AGAP1: variants seen among roughly 807,000 people sequenced by gnomAD.
The protein encoded by AGAP1 is ArfGAP with GTPase domain, ankyrin repeat and PH domain 1, also known as arf-GAP with GTPase, ANK repeat and PH domain-containing protein 1.
In AGAP1, 29 loss-of-function variants were observed where a neutral mutation model predicts 105.3. That is an observed-to-expected ratio of 0.28 (90% CI 0.21 to 0.38). The LOEUF is 0.38. Ranked by LOEUF, AGAP1 falls within the 10% of genes least tolerant of loss-of-function variation. The pLI is 1.00. For synonymous variants in AGAP1, 509 were observed against 485.9 expected (o/e 1.05, Z -0.63); for missense variants, 998 against 1,165.1 (o/e 0.86, Z 2.09).
In AGAP1 at chr2:235,622,841, A is replaced by G. The variant is rs1946529102; in HGVS notation, c.164-86338A>G. Among the ~76,000 whole-genome samples the G allele has an allele frequency of 6.6e-6, 1 of 152,072 alleles. No individual in the cohort carries two copies. On this transcript the variant is annotated intron_variant, in intron 1 of 17. Transcript: ENST00000304032. This position sits in a 1 kb window ranked among gnomAD's most constrained non-coding sequence, Gnocchi z 5.0. ...GTCGCTTCCTGCACCCACACTGGAC[A>G]GTCATTGTAGAAAGTAAGATGTGAT...
At position 235,750,258 on chromosome 2, in the gene AGAP1, T is replaced by C. The variant is rs1373467207; in HGVS notation, c.539-96T>C. On this transcript the variant is annotated intron_variant, in intron 5 of 17. Transcript: ENST00000304032. The surrounding 1 kb of genome is among the most constrained non-coding windows in gnomAD (Gnocchi z 5.3). ...ATTCATAAACTAATTACATTTCTGCTGAGTAAGGTACTGGTTTTCCGTGTT... is the reference window on the plus strand; with the variant it reads ...ATTCATAAACTAATTACATTTCTGCCGAGTAAGGTACTGGTTTTCCGTGTT... 6.5e-7 allele frequency: 1 copy of C among 1,527,962 alleles called. No individual in the cohort carries two copies. Among genetic ancestry groups the C allele is most frequent in the African/African-American group, 1.4e-5 (1 of 72,992 alleles). 94.7% of individuals were successfully genotyped at this position (1,527,962 alleles called of 1,614,324 possible). A position where few individuals can be genotyped will look rare whatever the true frequency, so the allele number is the denominator to read the frequency against.
At chr2:235,671,132 G>C (rs552340107) in intron 1 of AGAP1, 16 of 1,232,252 alleles carry the variant, frequency 1.3e-5, no homozygotes, top group Middle Eastern at 3.1e-4. Context: ...GCGGCTATGG[G>C]ACCCGCCCTC....
chr2:235,880,962 G>C (rs1031066155), intron 9 of AGAP1, among the ~76,000 whole-genome samples: 8 of 152,104 alleles, frequency 5.3e-5, no homozygotes, highest in Middle Eastern at 3.2e-3. Context: ...GGCTTCATTG[G>C]GTTGATTGGT....
rs185029416 is a variant in AGAP1 at position 235,863,436 on chromosome 2, A to T, written c.1051-19909A>T. On this transcript the variant is annotated intron_variant, in intron 9 of 17. Transcript: ENST00000304032. ...ACCTTGCGCCCTACAGAACCTTCAA[A>T]ATCTGGTGTGTAGTTCACCTATATA... 6.6e-5 allele frequency among the ~76,000 whole-genome samples: 10 copies of T among 152,364 alleles called. No homozygotes were observed. In the East Asian group the frequency reaches 1.9e-3, roughly 29 times the overall value.
Position 235,725,900 on chromosome 2 carries a change from G to A in AGAP1, c.310+8256G>A, listed in dbSNP as rs1343333239. Among the ~76,000 whole-genome samples the A allele has an allele frequency of 1.3e-5, 2 of 151,950 alleles. No homozygotes were observed. Among genetic ancestry groups the A allele is most frequent in the Non-Finnish European group, 2.9e-5 (2 of 68,016 alleles). The stretch of plus-strand genomic sequence containing the variant: ...AAGGATGCTAACATTATTATTAGAT[G>A]TTCAAAAAAATAATAAAAGGGAAGC... On this transcript the variant is annotated intron_variant, in intron 3 of 17. Coordinates refer to ENST00000304032, the MANE Select transcript of AGAP1 (RefSeq NM_001037131.3). This position sits in a 1 kb window ranked among gnomAD's most constrained non-coding sequence, Gnocchi z 5.7.
In AGAP1 at chr2:236,113,741, G is replaced by A. The variant is rs185715402; in HGVS notation, c.2115-6451G>A. On this transcript the variant is annotated intron_variant, in intron 16 of 17. Coordinates refer to ENST00000304032, the MANE Select transcript of AGAP1 (RefSeq NM_001037131.3). The surrounding 1 kb of genome is among the most constrained non-coding windows in gnomAD (Gnocchi z 4.3). ...CAGCAATGCTAGAGTGTCTGTCTCC[G>A]AGCTGGCAGACCCCGAAAAATCCAG... Among the ~76,000 whole-genome samples, 35 of 152,220 alleles carry A rather than the reference G, an allele frequency of 2.3e-4. No individual in the cohort carries two copies. Among genetic ancestry groups the A allele is most frequent in the East Asian group, 1.4e-3 (7 of 5,162 alleles).
At chr2:235,762,036 G>A (rs1954484825) in intron 6 of AGAP1, among the ~76,000 whole-genome samples, 1 of 151,148 alleles carries the variant, frequency 6.6e-6, no homozygotes, top group Non-Finnish European at 1.5e-5. Context: ...TTGAACCCAG[G>A]AGCCGGAAGT....
At chr2:235,805,899 A>G (rs1957812394) in intron 8 of AGAP1, among the ~76,000 whole-genome samples, 1 of 152,244 alleles carries the variant, frequency 6.6e-6, no homozygotes, top group Non-Finnish European at 1.5e-5. Context: ...GTAGGTGTTC[A>G]ATAAGCATCA....
At chr2:236,048,977 T>G in intron 15 of AGAP1, 82 bp from the exon 16 acceptor site, 2 of 1,329,626 alleles carry the variant, frequency 1.5e-6, no homozygotes, top group Non-Finnish European at 1.1e-6. Flanking sequence ...TTTGACTGAT[T>G]CGTCGCCTTG....
intron 1 of AGAP1, among the ~76,000 whole-genome samples, chr2:235,576,892 A>G (rs938016365): frequency 6.6e-6 from 1 of 152,152 alleles, no homozygotes; most frequent in African/African-American, 2.4e-5. Flanking sequence ...TGGCCTCTCC[A>G]TTGCTCCCTG....
chr2:235,780,888 G>A (rs576017697), intron 6 of AGAP1, among the ~76,000 whole-genome samples: 1 of 152,228 alleles, frequency 6.6e-6, no homozygotes, highest in Non-Finnish European at 1.5e-5. Context: ...AAGGTAGGTG[G>A]TTTATAAGTG....
At chr2:236,094,961 C>T (rs1029669674) in intron 16 of AGAP1, among the ~76,000 whole-genome samples, 4 of 147,548 alleles carry the variant, frequency 2.7e-5, no homozygotes, top group African/African-American at 5.0e-5. Flanking sequence ...TAGCCTGGTG[C>T]AGCGGCGCAT....
At chr2:235,672,932 T>C (rs1332541464) in intron 1 of AGAP1, among the ~76,000 whole-genome samples, 2 of 152,216 alleles carry the variant, frequency 1.3e-5, no homozygotes, top group Non-Finnish European at 2.9e-5. Flanking sequence ...GGTCAGTCCT[T>C]CTCTGGGCGG....
At chr2:235,783,047 T>C (rs1268490292) in intron 6 of AGAP1, among the ~76,000 whole-genome samples, 1 of 85,084 alleles carries the variant, frequency 1.2e-5, no homozygotes. Flanking sequence ...TGTGTGTGTG[T>C]GTGTCTAGGT....
rs530311198 is a variant in AGAP1, at chr2:235,759,411, C to T, written c.673+8923C>T. On this transcript the variant is annotated intron_variant, in intron 6 of 17. Coordinates refer to ENST00000304032, the MANE Select transcript of AGAP1 (RefSeq NM_001037131.3). ...GTCTTGATCTCCTGACCTCGTGATC[C>T]GCCCGCCTTGGCCTCCCAAAGTGCT... 4.0e-3 allele frequency among the ~76,000 whole-genome samples: 610 copies of T among 152,148 alleles called. 7 individuals are homozygous for T. Among genetic ancestry groups the T allele is most frequent in the South Asian group, 9.5e-3 (46 of 4,826 alleles).
rs565609637 is a variant in AGAP1 at position 235,958,327 on chromosome 2, A to G, written c.1484-10135A>G. On this transcript the variant is annotated intron_variant, in intron 12 of 17. Transcript: ENST00000304032. This position sits in a 1 kb window ranked among gnomAD's most constrained non-coding sequence, Gnocchi z 4.1. Reference sequence around the variant, plus strand: ...CAGGGAAGATCTGACCCGGGAGAGGATTAGGGCCCTGCTAACGGCAGCAGT... The same window carrying G: ...CAGGGAAGATCTGACCCGGGAGAGGGTTAGGGCCCTGCTAACGGCAGCAGT... Among the ~76,000 whole-genome samples the G allele has an allele frequency of 1.3e-5, 2 of 152,026 alleles. No individual in the cohort carries two copies. The highest frequency in any genetic ancestry group is 3.9e-4 in the East Asian group (2 of 5,136).
At position 235,958,458 on chromosome 2, in the gene AGAP1, T is replaced by C. The variant is rs10929155; in HGVS notation, c.1484-10004T>C. 0.081 allele frequency among the ~76,000 whole-genome samples: 12,342 copies of C among 152,004 alleles called. 1,690 individuals are homozygous for C. Among genetic ancestry groups the C allele is most frequent in the African/African-American group, 0.28 (11,679 of 41,408 alleles). On this transcript the variant is annotated intron_variant, in intron 12 of 17. Coordinates refer to ENST00000304032, the MANE Select transcript of AGAP1 (RefSeq NM_001037131.3). This position sits in a 1 kb window ranked among gnomAD's most constrained non-coding sequence, Gnocchi z 4.1. Reference sequence around the variant, plus strand: ...TAGAGACCCTCGGGAGCGCGAGGGATATGAGAATCACAAGCACAGAGACTC... The same window carrying C: ...TAGAGACCCTCGGGAGCGCGAGGGACATGAGAATCACAAGCACAGAGACTC...
intron 1 of AGAP1, among the ~76,000 whole-genome samples, chr2:235,503,869 T>G (rs1407418528): frequency 1.3e-5 from 2 of 152,196 alleles, no homozygotes; most frequent in Non-Finnish European, 2.9e-5. Flanking sequence ...GTGCTGGGAT[T>G]ACAGGCATGA....
At chr2:235,536,045 A>T (rs761020411) in intron 1 of AGAP1, among the ~76,000 whole-genome samples, 1 of 150,828 alleles carries the variant, frequency 6.6e-6, no homozygotes, top group East Asian at 2.0e-4. Flanking sequence ...CCTCCTCTAG[A>T]CCCCTGAGGA....
Sources: gnomAD v4.1 joint callset for allele counts (sites outside exome capture counted in the v4.1 genomes callset) on GRCh38, gnomAD v4.1.1 for gene constraint, Gnocchi (gnomAD v3.1) non-coding constraint, MANE v1.5 for transcripts, NCBI Gene and HGNC (gene_info 2026-07-23, HGNC 2026-07-21) for gene names.